TARBP1: variants seen among roughly 807,000 people sequenced by gnomAD.
The protein encoded by TARBP1 is tRNA (guanosine(18)-2'-O)-methyltransferase TARBP1.
In TARBP1, 144 loss-of-function variants were observed where a neutral mutation model predicts 178.6. The ratio of observed to expected loss-of-function variants is 0.81; its 90% confidence interval spans 0.70 to 0.93. The LOEUF (loss-of-function observed/expected upper bound fraction) is 0.93, where lower values mean the gene tolerates loss of function less well. Among genes scored for constraint, TARBP1 ranks in the 40% least tolerant of loss-of-function variants. TARBP1 has a pLI of 0.00. For synonymous variants in TARBP1, 787 were observed against 781.0 expected (o/e 1.01, Z -0.13); for missense variants, 2,067 against 2,011.7 (o/e 1.03, Z -0.53).
At chr1:234,398,956 G>A (rs879743330) in intron 25 of TARBP1, among the ~76,000 whole-genome samples, 13 of 152,142 alleles carry the variant, frequency 8.5e-5, no homozygotes, top group African/African-American at 1.2e-4. Flanking sequence ...TTTTACTCTC[G>A]TACCCATTAG....
intron 1 of TARBP1, among the ~76,000 whole-genome samples, chr1:234,477,869 T>C (rs1196389199): frequency 1.3e-5 from 2 of 152,236 alleles, no homozygotes; most frequent in South Asian, 2.1e-4. Context: ...TACCATGATA[T>C]AGTGCAGATT....
rs369357329 is a variant in TARBP1 at position 234,437,346 on chromosome 1, A to T, written c.2161T>A (p.Phe721Ile). Residue 721 changes from phenylalanine to isoleucine, a missense_variant, in exon 13 of 30, where the codon TTT (phenylalanine) becomes ATT (isoleucine). Physicochemically the swap from Phe to Ile is conservative, Grantham distance 21. Transcript: ENST00000040877. The stretch of plus-strand genomic sequence containing the variant: ...ATGCTCTCTGTAGTAGACATGAAAA[A>T]GTTCTGAAGAACAGTAGACACCTCA... ...DDEVSTVLQN[F>I]FMSTTESISE... 13 of 1,590,950 alleles carry T rather than the reference A, an allele frequency of 8.2e-6. No individual in the cohort carries two copies. The Admixed American group carries it at 1.4e-4, about 17-fold the overall frequency.
In TARBP1 at chr1:234,430,285, C is replaced by T. The variant is rs1558195287; in HGVS notation, c.2411G>A (p.Ser804Asn). The T allele has an allele frequency of 1.2e-6, 2 of 1,613,738 alleles. No homozygotes were observed. The highest frequency in any genetic ancestry group is 1.7e-6 in the Non-Finnish European group (2 of 1,179,916). Reference sequence around the variant, plus strand: ...CATGCTCACTACTCTCTGAATCTGACTTCCAACTGTTGGCTCCTGAAAAGG... The same window carrying T: ...CATGCTCACTACTCTCTGAATCTGATTTCCAACTGTTGGCTCCTGAAAAGG... ...MDSGQEPTVG[S>N]QIQRVVSMAA... is the part of the protein sequence containing the mutation. The change falls in exon 15 of 30, where the codon AGT (serine) becomes AAT (asparagine). Residue 804 changes from serine to asparagine, a missense_variant. Transcript: ENST00000040877.
At chr1:234,433,677 C>A (rs1664709518) in intron 13 of TARBP1, 106 bp from the exon 14 acceptor site, 1 of 1,065,852 alleles carries the variant, frequency 9.4e-7, no homozygotes, top group Non-Finnish European at 1.4e-6. Flanking sequence ...CACAACAAGA[C>A]ACTGATGAGA....
chr1:234,418,655 C>T (rs577349610), intron 21 of TARBP1, among the ~76,000 whole-genome samples: 1 of 152,322 alleles, frequency 6.6e-6, no homozygotes, highest in African/African-American at 2.4e-5. Flanking sequence ...CCCAGAGGGG[C>T]AGGTCTTGGG....
chr1:234,425,118 G>A (rs147916915), intron 20 of TARBP1, among the ~76,000 whole-genome samples: 1,669 of 151,870 alleles, frequency 0.011, 27 homozygotes, highest in African/African-American at 0.036. Context: ...CCAGCTACTC[G>A]GGTGGCTGAG....
At chr1:234,413,535 AACAG>A (rs780381572) in intron 22 of TARBP1, among the ~76,000 whole-genome samples, 1 of 152,318 alleles carries the variant, frequency 6.6e-6, no homozygotes, top group Non-Finnish European at 1.5e-5. Flanking sequence ...AGCAACGGAA[AACAG>A]ACAATCAGTG....
At chr1:234,407,367 T>A (rs1273468877) in intron 23 of TARBP1, 3 of 148,852 alleles carry the variant, frequency 2.0e-5, no homozygotes, top group African/African-American at 5.1e-5. Context: ...AGATGGAGTC[T>A]CACTCTGTCG....
intron 11 of TARBP1, among the ~76,000 whole-genome samples, chr1:234,447,650 T>C (rs1423128365): frequency 1.3e-5 from 2 of 152,078 alleles, no homozygotes. Flanking sequence ...AGAAAAGAGA[T>C]TTGATGTAAA....
intron 24 of TARBP1, among the ~76,000 whole-genome samples, chr1:234,402,538 A>G (rs1660793319): frequency 6.6e-6 from 1 of 152,022 alleles, no homozygotes; most frequent in African/African-American, 2.4e-5. Flanking sequence ...CTGATGTAAT[A>G]TATGTTAATG....
Position 234,393,643 on chromosome 1 carries a change from T to G in TARBP1, c.4435+3A>C. On this transcript the variant is annotated splice_donor_region_variant and intron_variant, in intron 27 of 29. Transcript: ENST00000040877. Reference sequence around the variant, plus strand: ...CAAAGCTCCCAGAAAACTCCAACTTTACCTCCTAAATTGGTCGGTTTGTCG... The same window carrying G: ...CAAAGCTCCCAGAAAACTCCAACTTGACCTCCTAAATTGGTCGGTTTGTCG... 6.3e-7 allele frequency: 1 copy of G among 1,596,750 alleles called. No individual in the cohort carries two copies. The highest frequency in any genetic ancestry group is 2.2e-5 in the East Asian group (1 of 44,514).
At chr1:234,427,889 T>C in intron 17 of TARBP1, 123 bp from the exon 18 acceptor site, 1 of 539,154 alleles carries the variant, frequency 1.9e-6, no homozygotes, top group South Asian at 8.4e-5. Flanking sequence ...AATTCATTAC[T>C]GTTAGAATAA....
intron 12 of TARBP1, among the ~76,000 whole-genome samples, chr1:234,438,778 A>G (rs1665292669): frequency 6.6e-6 from 1 of 152,252 alleles, no homozygotes; most frequent in East Asian, 1.9e-4. Context: ...ATAAACCTAC[A>G]GATTCAAGAA....
At chr1:234,457,561 T>A (rs1194475079) in intron 9 of TARBP1, 106 bp downstream of exon 9, 1 of 703,408 alleles carries the variant, frequency 1.4e-6, no homozygotes, top group African/African-American at 1.8e-5. Flanking sequence ...TGCTGACAGA[T>A]AACAAAGCAA....
chr1:234,472,957 G>A (rs866784888), intron 1 of TARBP1, 146 bp from the exon 2 acceptor site: 3 of 674,376 alleles, frequency 4.4e-6, no homozygotes, highest in Middle Eastern at 3.8e-4. Context: ...CTGGATAGGG[G>A]GCTTGGGAAT....
intron 3 of TARBP1, among the ~76,000 whole-genome samples, chr1:234,468,128 G>T (rs1197981724): frequency 7.3e-6 from 1 of 136,274 alleles, no homozygotes; most frequent in Admixed American, 7.2e-5. Flanking sequence ...TTGGTATTCA[G>T]TATTCCGTAT....
chr1:234,469,995 G>A (rs1379624166), intron 3 of TARBP1, among the ~76,000 whole-genome samples: 5 of 152,192 alleles, frequency 3.3e-5, no homozygotes, highest in Admixed American at 2.6e-4. Flanking sequence ...GGCCAGGCAC[G>A]GTGGCTCACA....
intron 13 of TARBP1, 96 bp from the exon 14 acceptor site, chr1:234,433,667 C>T: frequency 9.0e-7 from 1 of 1,116,322 alleles, no homozygotes; most frequent in Non-Finnish European, 1.3e-6. Context: ...CTTAAAGGAC[C>T]ACAACAAGAC....
intron 24 of TARBP1, among the ~76,000 whole-genome samples, chr1:234,404,030 T>C (rs1352851984): frequency 6.6e-6 from 1 of 152,248 alleles, no homozygotes; most frequent in Non-Finnish European, 1.5e-5. Flanking sequence ...TACCTGGTAC[T>C]GAGATTTTTA....
Sources: allele counts gnomAD v4.1 joint callset (sites outside exome capture counted in the v4.1 genomes callset), GRCh38; gene constraint gnomAD v4.1.1; transcripts MANE v1.5; gene names NCBI Gene and HGNC (gene_info 2026-07-23, HGNC 2026-07-21).